Variants in AKT2 observed in about 807,000 individuals in gnomAD.
The protein encoded by AKT2 is AKT serine/threonine kinase 2, also known as RAC-beta serine/threonine-protein kinase.
In AKT2, 16 loss-of-function variants were observed where a neutral mutation model predicts 58.6. The ratio of observed to expected loss-of-function variants is 0.27; its 90% CI spans 0.18 to 0.41. The LOEUF (loss-of-function observed/expected upper bound fraction) is 0.41, where lower values mean the gene tolerates loss of function less well. Ranked by LOEUF, AKT2 falls within the 10% of genes least tolerant of loss-of-function variation. The pLI is 1.00. For synonymous variants in AKT2, 253 were observed against 254.0 expected (o/e 1.00, Z 0.04); for missense variants, 438 against 661.0 (o/e 0.66, Z 3.70).
chr19:40,273,922 G>A (rs1347819927), intron 1 of AKT2, among the ~76,000 whole-genome samples: 1 of 152,082 alleles, frequency 6.6e-6, no homozygotes, highest in East Asian at 1.9e-4. Flanking sequence ...GGGGCCATCT[G>A]CCTTGGCCCC....
chr19:40,259,163 C>T (rs1049446210), intron 2 of AKT2, among the ~76,000 whole-genome samples: 1 of 152,112 alleles, frequency 6.6e-6, no homozygotes, highest in African/African-American at 2.4e-5. Flanking sequence ...AGAACAGTTT[C>T]TTCAACAAAG....
chr19:40,275,382 A>AG (rs1306870355), intron 1 of AKT2: 1 of 450,752 alleles, frequency 2.2e-6, no homozygotes, highest in Non-Finnish European at 4.5e-6. Context: ...CAGTGGCAAA[A>AG]GGAGAAACCA....
chr19:40,276,120 A>ATGTGAGTG (rs1171888256), intron 1 of AKT2, among the ~76,000 whole-genome samples: 1 of 151,684 alleles, frequency 6.6e-6, no homozygotes, highest in East Asian at 1.9e-4. Context: ...GGAGGCAGGG[A>ATGTGAGTG]TGTGACTCTC....
Position 40,285,281 on chromosome 19 carries a change from G to GGT in AKT2, c.-186_-185insAC. 2.5e-6 allele frequency: 1 copy of GGT among 394,900 alleles called. No individual in the cohort carries two copies. The highest frequency in any genetic ancestry group is 4.5e-6 in the Non-Finnish European group (1 of 223,852). 24.5% of individuals were successfully genotyped at this position (394,900 alleles called of 1,614,324 possible). A position where few individuals can be genotyped will look rare whatever the true frequency, so the allele number is the denominator to read the frequency against. On this transcript the variant is annotated 5_prime_UTR_variant, in exon 1 of 14. Transcript: ENST00000392038. ...CCTTGTGTTTCCCGGCAGCGGCAAC[G>GGT]GCGCCGGCAGCGGCAGCGGCGGCGG...
chr19:40,235,507 A>G lies in AKT2; in HGVS notation c.1176-157T>C. On this transcript the variant is annotated intron_variant, in intron 11 of 13. Transcript: ENST00000392038. This position sits in a 1 kb window ranked among gnomAD's most constrained non-coding sequence, Gnocchi z 6.3. ...AAACCGAGGCTCAGGGAGGGAGCTCACGTGCCCAGGGTCAGAGCCAGGGAG... is the reference window on the plus strand; with the variant it reads ...AAACCGAGGCTCAGGGAGGGAGCTCGCGTGCCCAGGGTCAGAGCCAGGGAG... The G allele has an allele frequency of 1.3e-6, 1 of 760,394 alleles. No homozygotes were observed. Among genetic ancestry groups the G allele is most frequent in the Non-Finnish European group, 2.2e-6 (1 of 445,810 alleles). The allele number at this position is 760,394 out of a possible 1,614,324, so 47.1% of individuals were successfully genotyped here. A position where few individuals can be genotyped will look rare whatever the true frequency, so the allele number is the denominator to read the frequency against.
At chr19:40,279,598 T>A (rs4332845) in intron 1 of AKT2, 113,726 of 150,100 alleles carry the variant, frequency 0.76, 43,681 homozygotes, top group African/African-American at 0.9. Flanking sequence ...GAGACCCTAG[T>A]GGTTTGTTCT....
intron 6 of AKT2, among the ~76,000 whole-genome samples, chr19:40,240,576 G>A (rs927572881): frequency 1.3e-5 from 2 of 152,202 alleles, no homozygotes; most frequent in Non-Finnish European, 2.9e-5. Context: ...CAGGCCCACT[G>A]AGTCAGAAAC....
At chr19:40,281,094 C>T (rs927456288) in intron 1 of AKT2, among the ~76,000 whole-genome samples, 7 of 152,210 alleles carry the variant, frequency 4.6e-5, no homozygotes, top group Non-Finnish European at 8.8e-5. Flanking sequence ...CTCACCCAGG[C>T]CCACAGGCCA....
At chr19:40,254,946 T>C (rs924411148) in intron 4 of AKT2, among the ~76,000 whole-genome samples, 1 of 152,102 alleles carries the variant, frequency 6.6e-6, no homozygotes, top group African/African-American at 2.4e-5. Context: ...CTGCCTGTGA[T>C]TCCGATGCAC....
Position 40,234,916 on chromosome 19 carries a change from G to T in AKT2, c.1366+129C>A. On this transcript the variant is annotated intron_variant, in intron 13 of 13. Coordinates refer to ENST00000392038, the MANE Select transcript of AKT2 (RefSeq NM_001626.6). The surrounding 1 kb of genome is among the most constrained non-coding windows in gnomAD (Gnocchi z 4.7). The stretch of plus-strand genomic sequence containing the variant: ...CCAACAGCAAAAGGGCCTGAGAGCA[G>T]ACTTGGGGAAATCTCCCAGACATGA... The T allele has an allele frequency of 1.1e-6, 1 of 899,982 alleles. No individual in the cohort carries two copies. Among genetic ancestry groups the T allele is most frequent in the Non-Finnish European group, 1.8e-6 (1 of 556,424 alleles). The allele number at this position is 899,982 out of a possible 1,614,324, so 55.7% of individuals were successfully genotyped here. A position where few individuals can be genotyped will look rare whatever the true frequency, so the allele number is the denominator to read the frequency against.
At chr19:40,251,109 C>T (rs1341841911) in intron 4 of AKT2, among the ~76,000 whole-genome samples, 2 of 151,524 alleles carry the variant, frequency 1.3e-5, no homozygotes, top group Non-Finnish European at 1.5e-5. Flanking sequence ...GATCCTGAGG[C>T]GTAAGGATGG....
chr19:40,233,976 G>A lies in AKT2; in HGVS notation c.1367-25C>T, dbSNP rs1391700421. The A allele has an allele frequency of 1.2e-6, 2 of 1,606,486 alleles. No individual in the cohort carries two copies. The highest frequency in any genetic ancestry group is 1.7e-6 in the Non-Finnish European group (2 of 1,179,202). On this transcript the variant is annotated intron_variant, in intron 13 of 13. Transcript: ENST00000392038. This position sits in a 1 kb window ranked among gnomAD's most constrained non-coding sequence, Gnocchi z 4.3. Reference sequence around the variant, plus strand: ...TCTGTGGGCGGCAGAGGTGGATGGGGAGGACCAGTCAGGAGAGGGCCTGGG... The same window carrying A: ...TCTGTGGGCGGCAGAGGTGGATGGGAAGGACCAGTCAGGAGAGGGCCTGGG...
Position 40,236,034 on chromosome 19 carries a change from A to G in AKT2, c.1031T>C (p.Met344Thr). ...WGLGVVMYEM[M>T]CGRLPFYNQD... Reference sequence around the variant, plus strand: ...GTTGTAGAAGGGCAGGCGGCCGCACATCATCTCGTACATGACCACACCCAG... The same window carrying G: ...GTTGTAGAAGGGCAGGCGGCCGCACGTCATCTCGTACATGACCACACCCAG... Residue 344 changes from methionine (M) to threonine (T), a missense_variant, in exon 11 of 14, where the codon ATG becomes ACG. This residue lies in a region of AKT2 where 148 missense variants were observed against 199.5 expected (regional missense o/e 0.74). Transcript: ENST00000392038. 3 of 1,614,102 alleles carry G rather than the reference A, an allele frequency of 1.9e-6. No homozygotes were observed. The highest frequency in any genetic ancestry group is 2.5e-6 in the Non-Finnish European group (3 of 1,180,020).
chr19:40,247,624 T>G (rs150463149), intron 4 of AKT2, among the ~76,000 whole-genome samples: 366 of 152,238 alleles, frequency 2.4e-3, no homozygotes, highest in African/African-American at 8.0e-3. Flanking sequence ...ACTCTCCTCG[T>G]AAGCCATGAT....
At chr19:40,275,947 G>A (rs980511948) in intron 1 of AKT2, among the ~76,000 whole-genome samples, 18 of 151,350 alleles carry the variant, frequency 1.2e-4, no homozygotes, top group Non-Finnish European at 2.4e-4. Flanking sequence ...GGGAGGCGGC[G>A]GTTGTAGTGA....
intron 4 of AKT2, 131 bp downstream of exon 4, chr19:40,255,027 A>T: frequency 1.4e-6 from 1 of 714,824 alleles, no homozygotes; most frequent in Non-Finnish European, 2.5e-6. Context: ...AGCTGGAGAG[A>T]CCCCCCAACC....
intron 1 of AKT2, chr19:40,275,349 C>A (rs2077294777): frequency 2.2e-6 from 1 of 456,050 alleles, no homozygotes; most frequent in Non-Finnish European, 4.4e-6. Flanking sequence ...CCACCACCTC[C>A]CTGGGAGCTC....
In AKT2 at chr19:40,242,832, C is replaced by T. The variant is rs576840456; in HGVS notation, c.288-145G>A. On this transcript the variant is annotated intron_variant, in intron 4 of 13. Coordinates refer to ENST00000392038, the MANE Select transcript of AKT2 (RefSeq NM_001626.6). This position sits in a 1 kb window ranked among gnomAD's most constrained non-coding sequence, Gnocchi z 4.3. ...GGAATTTGGGCAAGATCTGTCAGAACCAGAGAGAGCTGAAGGGACCTGAGT... is the reference window on the plus strand; with the variant it reads ...GGAATTTGGGCAAGATCTGTCAGAATCAGAGAGAGCTGAAGGGACCTGAGT... The T allele has an allele frequency of 1.5e-5, 13 of 887,638 alleles. No homozygotes were observed. The highest frequency in any genetic ancestry group is 4.1e-5 in the Admixed American group (2 of 48,586). The allele number at this position is 887,638 out of a possible 1,614,324, so 55.0% of individuals were successfully genotyped here. A position where few individuals can be genotyped will look rare whatever the true frequency, so the allele number is the denominator to read the frequency against.
At chr19:40,264,309 C>T (rs892297556) in intron 2 of AKT2, among the ~76,000 whole-genome samples, 1 of 152,186 alleles carries the variant, frequency 6.6e-6, no homozygotes, top group East Asian at 1.9e-4. Flanking sequence ...GTGGCAGCCA[C>T]TTTGGGACAA....
Sources: allele counts gnomAD v4.1 joint callset (sites outside exome capture counted in the v4.1 genomes callset), GRCh38; gene constraint gnomAD v4.1.1; regional missense constraint gnomAD v4.1.1; non-coding constraint Gnocchi (gnomAD v3.1); transcripts MANE v1.5; gene names NCBI Gene and HGNC (gene_info 2026-07-23, HGNC 2026-07-21).